CNTNAP4: variants seen among roughly 807,000 people sequenced by gnomAD.
CNTNAP4 encodes contactin-associated protein-like 4.
Under a neutral mutation model 148.4 loss-of-function variants are expected in CNTNAP4, and 98 were observed. The observed-to-expected ratio is 0.66, with a 90% CI of 0.56 to 0.78. CNTNAP4 has a LOEUF of 0.78. Among genes scored for constraint, CNTNAP4 ranks in the 30% least tolerant of loss-of-function variants. CNTNAP4 has a pLI of 0.00. For missense variants in CNTNAP4, 1,935 were observed against 1,565.6 expected, an observed-to-expected ratio of 1.24 and a Z score of -3.98; for synonymous variants, 730 against 565.1, an observed-to-expected ratio of 1.29 and a Z score of -4.14.
rs368222292 is a variant in CNTNAP4 at position 76,479,600 on chromosome 16, T to C, written c.1882+62T>C. ...CATGCATGTTTTAAATAGGCAAAAT[T>C]AAAATGAAATAAGCAGAATGTTGAC... On this transcript the variant is annotated intron_variant, in intron 12 of 23. Coordinates refer to ENST00000611870, the MANE Select transcript of CNTNAP4 (RefSeq NM_033401.5). The C allele has an allele frequency of 5.2e-6, 8 of 1,524,840 alleles. No individual in the cohort carries two copies. In the East Asian group the frequency reaches 1.4e-4, roughly 27 times the overall value. The allele number at this position is 1,524,840 out of a possible 1,614,324, so 94.5% of individuals were successfully genotyped here.
rs750647612 is a variant in CNTNAP4 at position 76,475,930 on chromosome 16, T to G, written c.1656-9T>G. The G allele has an allele frequency of 6.2e-7, 1 of 1,605,982 alleles. No homozygotes were observed. Among genetic ancestry groups the G allele is most frequent in the Non-Finnish European group, 8.5e-7 (1 of 1,172,812 alleles). On this transcript the variant is annotated splice_polypyrimidine_tract_variant and intron_variant, in intron 10 of 23. Transcript: ENST00000611870. Reference sequence around the variant, plus strand: ...GGAAACTGGTGATTGTATCTGCACCTTCTTTTAGGTGTTTGCCCAACTATT... The same window carrying G: ...GGAAACTGGTGATTGTATCTGCACCGTCTTTTAGGTGTTTGCCCAACTATT...
At chr16:76,362,752 G>A (rs975992442) in intron 3 of CNTNAP4, among the ~76,000 whole-genome samples, 1 of 152,144 alleles carries the variant, frequency 6.6e-6, no homozygotes, top group African/African-American at 2.4e-5. Flanking sequence ...CCTAATTGAG[G>A]GTGGAGGGTG....
rs959408118 is a variant in CNTNAP4, at chr16:76,521,356, T to C, written c.2536+46T>C. On this transcript the variant is annotated intron_variant, in intron 16 of 23. Coordinates refer to ENST00000611870, the MANE Select transcript of CNTNAP4 (RefSeq NM_033401.5). The stretch of plus-strand genomic sequence containing the variant: ...AAGTGTATGAGATTCTATCATTTAG[T>C]AGTAAATCTTTTAACTAATTTTTAA... 3 of 1,473,500 alleles carry C rather than the reference T, an allele frequency of 2.0e-6. No individual in the cohort carries two copies. In the African/African-American group the frequency reaches 4.3e-5, roughly 21 times the overall value. The allele number at this position is 1,473,500 out of a possible 1,614,324, so 91.3% of individuals were successfully genotyped here. A position where few individuals can be genotyped will look rare whatever the true frequency, so the allele number is the denominator to read the frequency against.
rs76203545 is a variant in CNTNAP4 at position 76,465,614 on chromosome 16, T to C, written c.1484-1738T>C. ...GGCATATTATAGTTGCTTCAAAATA[T>C]TATTGAACTATTATCCTTTCAGTTT... On this transcript the variant is annotated intron_variant, in intron 9 of 23. Transcript: ENST00000611870. 4.6e-3 allele frequency among the ~76,000 whole-genome samples: 699 copies of C among 152,312 alleles called. 5 individuals are homozygous for C. Among genetic ancestry groups the C allele is most frequent in the African/African-American group, 0.016 (669 of 41,572 alleles).
rs559981919 is a variant in CNTNAP4 at position 76,327,532 on chromosome 16, T to G, written c.196+11009T>G. On this transcript the variant is annotated intron_variant, in intron 2 of 23. Coordinates refer to ENST00000611870, the MANE Select transcript of CNTNAP4 (RefSeq NM_033401.5). The stretch of plus-strand genomic sequence containing the variant: ...ATATGGACAATTTTTGTATGACACT[T>G]ACATCCTCTAAACCCTGTCTCTCTC... 5.9e-5 allele frequency among the ~76,000 whole-genome samples: 9 copies of G among 152,326 alleles called. No individual in the cohort carries two copies. In the East Asian group the frequency reaches 1.7e-3, roughly 29 times the overall value.
chr16:76,464,901 T>C (rs1203912085), intron 9 of CNTNAP4, among the ~76,000 whole-genome samples: 1 of 152,226 alleles, frequency 6.6e-6, no homozygotes, highest in Non-Finnish European at 1.5e-5. Flanking sequence ...AAATTATACA[T>C]TTTAAATTTA....
chr16:76,498,581 G>C lies in CNTNAP4; in HGVS notation c.2252G>C (p.Gly751Ala), dbSNP rs1378030555. 6.2e-7 allele frequency: 1 copy of C among 1,611,782 alleles called. No homozygotes were observed. The highest frequency in any genetic ancestry group is 8.5e-7 in the Non-Finnish European group (1 of 1,178,964). ...ADRNEWTNDTGLLAYKEHLPV... is the reference protein window; with the variant it reads ...ADRNEWTNDTALLAYKEHLPV... The stretch of plus-strand genomic sequence containing the variant: ...TTGTTTTTTAGGACCAATGACACTG[G>C]ATTGCTTGCTTATAAAGAACATCTT... Residue 751 changes from glycine (G) to alanine (A), a missense_variant, in exon 15 of 24, where the codon GGA becomes GCA. Transcript: ENST00000611870.
chr16:76,456,473 T>A (rs2080735638), intron 8 of CNTNAP4, among the ~76,000 whole-genome samples: 1 of 152,178 alleles, frequency 6.6e-6, no homozygotes, highest in Non-Finnish European at 1.5e-5. Context: ...GAAAGAAGTT[T>A]GTGTTTTTGA....
At chr16:76,495,755 C>T (rs950971326) in intron 14 of CNTNAP4, among the ~76,000 whole-genome samples, 3 of 152,074 alleles carry the variant, frequency 2.0e-5, no homozygotes, top group South Asian at 2.1e-4. Flanking sequence ...TTCAGCATAA[C>T]GTATATGTTA....
Position 76,332,153 on chromosome 16 carries a change from T to A in CNTNAP4, c.196+15630T>A, listed in dbSNP as rs1963584368. Among the ~76,000 whole-genome samples the A allele has an allele frequency of 4.6e-5, 7 of 152,348 alleles. No individual in the cohort carries two copies. In the South Asian group the frequency reaches 1.4e-3, roughly 32 times the overall value. On this transcript the variant is annotated intron_variant, in intron 2 of 23. Transcript: ENST00000611870. ...TCTTTGTCTTTGACTTACAACGGTT[T>A]GATTGTAATGTGTCTCAGTGTAGAA...
intron 3 of CNTNAP4, among the ~76,000 whole-genome samples, chr16:76,360,022 A>G (rs1023208796): frequency 2.0e-5 from 3 of 152,240 alleles, no homozygotes; most frequent in East Asian, 1.9e-4. Flanking sequence ...GTTGGTACCA[A>G]TCTTATAAAC....
intron 4 of CNTNAP4, among the ~76,000 whole-genome samples, chr16:76,440,394 C>T (rs1035291842): frequency 6.6e-6 from 1 of 152,024 alleles, no homozygotes; most frequent in African/African-American, 2.4e-5. Context: ...GCAAAAATTC[C>T]ATGATTCATA....
chr16:76,414,919 G>A (rs1018894737), intron 3 of CNTNAP4, among the ~76,000 whole-genome samples: 2 of 150,378 alleles, frequency 1.3e-5, no homozygotes, highest in African/African-American at 4.9e-5. Flanking sequence ...CCTAACTAGG[G>A]TTTTGTTAAC....
chr16:76,422,393 A>G (rs1180721999), intron 3 of CNTNAP4, among the ~76,000 whole-genome samples: 1 of 152,104 alleles, frequency 6.6e-6, no homozygotes, highest in African/African-American at 2.4e-5. Flanking sequence ...TTTTGGGAAG[A>G]TATAAAGTTT....
intron 16 of CNTNAP4, 54 bp downstream of exon 16, chr16:76,521,364 C>A (rs1396415287): frequency 1.4e-6 from 2 of 1,434,116 alleles, no homozygotes; most frequent in Non-Finnish European, 1.9e-6. Flanking sequence ...AGTAGTAAAT[C>A]TTTTAACTAA....
In CNTNAP4 at chr16:76,538,199, C is replaced by G. The variant is rs1375700952; in HGVS notation, c.3079C>G (p.His1027Asp). Residue 1027 changes from histidine to aspartate, a missense_variant, in exon 19 of 24, where the codon CAC becomes GAC. By Grantham distance (81) the His-to-Asp change is moderately conservative (BLOSUM62 -1). Transcript: ENST00000611870. ...TCTTTTAAGTAAAAACTCCAGCTCC[C>G]ACGCTGCTTCATTTCATGGTGATAT... ...NYLLSKNSSS[H>D]AASFHGDMKL... is the part of the protein sequence containing the mutation. 9 of 1,607,078 alleles carry G rather than the reference C, an allele frequency of 5.6e-6. No homozygotes were observed. The highest frequency in any genetic ancestry group is 7.6e-6 in the Non-Finnish European group (9 of 1,177,512).
intron 8 of CNTNAP4, among the ~76,000 whole-genome samples, chr16:76,460,753 C>CAAAA (rs1158805627): frequency 6.5e-5 from 1 of 15,496 alleles, no homozygotes; most frequent in Non-Finnish European, 1.3e-4. Context: ...ACTCATGTCT[C>CAAAA]AAAAAAAAAA....
rs201234468 is a variant in CNTNAP4 at position 76,459,421 on chromosome 16, C to A, written c.1334-2535C>A. Among the ~76,000 whole-genome samples, 12 of 149,748 alleles carry A rather than the reference C, an allele frequency of 8.0e-5. No homozygotes were observed. In the East Asian group the frequency reaches 2.4e-3, roughly 30 times the overall value. ...GCCTTTCCTATTATCTTACACAAAC[C>A]AAACCAGAGTTGGGTCTTCAGTAAT... is the stretch of plus-strand genomic sequence containing the variant. On this transcript the variant is annotated intron_variant, in intron 8 of 23. Coordinates refer to ENST00000611870, the MANE Select transcript of CNTNAP4 (RefSeq NM_033401.5).
At chr16:76,290,438 TAAC>T (rs1410458248) in intron 1 of CNTNAP4, among the ~76,000 whole-genome samples, 1 of 152,216 alleles carries the variant, frequency 6.6e-6, no homozygotes, top group Non-Finnish European at 1.5e-5. Flanking sequence ...ACTTTCATCT[TAAC>T]AACAAGCCCC....
Sources: gnomAD v4.1 joint callset for allele counts (sites outside exome capture counted in the v4.1 genomes callset) on GRCh38, gnomAD v4.1.1 for gene constraint, MANE v1.5 for transcripts, NCBI Gene and HGNC (gene_info 2026-07-23, HGNC 2026-07-21) for gene names.